CEP112: variants seen among roughly 807,000 people sequenced by gnomAD.
CEP112 encodes the protein centrosomal protein of 112 kDa.
CEP112 carries 127 observed loss-of-function variants against 153.0 expected under a neutral mutation model. That is an observed-to-expected ratio of 0.83 (90% CI 0.72 to 0.96). The LOEUF is 0.96. CEP112 is among the 40% of genes least tolerant of loss of function. The pLI, the probability that CEP112 is intolerant of heterozygous loss-of-function variation, is 0.00. For synonymous variants in CEP112, 358 were observed against 374.4 expected, an observed-to-expected ratio of 0.96 and a Z score of 0.51; for missense variants, 1,089 against 1,101.2, an observed-to-expected ratio of 0.99 and a Z score of 0.16.
intron 24 of CEP112, among the ~76,000 whole-genome samples, chr17:65,671,125 C>A (rs2046960267): frequency 6.6e-6 from 1 of 151,950 alleles, no homozygotes; most frequent in Non-Finnish European, 1.5e-5. Context: ...GTGGGTAAAA[C>A]AAATAGTACG....
intron 17 of CEP112, among the ~76,000 whole-genome samples, chr17:65,977,633 A>C (rs1372760392): frequency 6.6e-6 from 1 of 152,112 alleles, no homozygotes; most frequent in Non-Finnish European, 1.5e-5. Context: ...CAGATTCCCC[A>C]ATGTGGGGTT....
intron 24 of CEP112, among the ~76,000 whole-genome samples, chr17:65,642,891 T>C (rs1330551103): frequency 2.0e-5 from 3 of 152,262 alleles, no homozygotes; most frequent in Non-Finnish European, 4.4e-5. Context: ...AACTCATGCA[T>C]GCGCTATTTC....
chr17:65,743,750 TA>T (rs1301747338), intron 22 of CEP112, among the ~76,000 whole-genome samples: 2 of 152,036 alleles, frequency 1.3e-5, no homozygotes, highest in Admixed American at 6.6e-5. Flanking sequence ...TATTGCCTTT[TA>T]TTTTTTTTTT....
chr17:66,098,691 A>C (rs989933461), intron 6 of CEP112, among the ~76,000 whole-genome samples: 2 of 152,248 alleles, frequency 1.3e-5, no homozygotes, highest in African/African-American at 4.8e-5. Flanking sequence ...GATCCTATAA[A>C]GTAATGGCAA....
At chr17:66,184,684 T>C (rs1267572611) in intron 1 of CEP112, among the ~76,000 whole-genome samples, 3 of 152,196 alleles carry the variant, frequency 2.0e-5, no homozygotes, top group Non-Finnish European at 4.4e-5. Context: ...GAAAACAGTT[T>C]GGCAGTTTCT....
In CEP112 at chr17:66,069,960, T is replaced by C. The variant is rs1184720269; in HGVS notation, c.810A>G (p.Glu270=). Residue 270 remains glutamate (E), a synonymous_variant, in exon 9 of 27, where the codon GAA becomes GAG. Coordinates refer to ENST00000535342, the MANE Select transcript of CEP112 (RefSeq NM_001199165.4). ...KTKMMEAKFH[E]EKLKLQQKHD... ...GTTTCTGTTGCAGTTTAAGCTTTTCTTCATGAAATTTAGCTTCCATCATTT... is the reference window on the plus strand; with the variant it reads ...GTTTCTGTTGCAGTTTAAGCTTTTCCTCATGAAATTTAGCTTCCATCATTT... 1 of 1,607,880 alleles carries C rather than the reference T, an allele frequency of 6.2e-7. No homozygotes were observed. Among genetic ancestry groups the C allele is most frequent in the East Asian group, 2.2e-5 (1 of 44,584 alleles).
intron 21 of CEP112, among the ~76,000 whole-genome samples, chr17:65,772,575 TAC>T (rs34758953): frequency 0.025 from 3,374 of 133,392 alleles, 43 homozygotes; most frequent in African/African-American, 0.036. Context: ...CTCTATTTAT[TAC>T]ACACACACAC....
At chr17:65,712,389 G>A (rs1427016606) in intron 23 of CEP112, among the ~76,000 whole-genome samples, 1 of 151,404 alleles carries the variant, frequency 6.6e-6, no homozygotes, top group Non-Finnish European at 1.5e-5. Flanking sequence ...TCTCTAAGGA[G>A]ACTGAAATAT....
chr17:66,132,998 C>T (rs975396104), intron 4 of CEP112, among the ~76,000 whole-genome samples: 6 of 151,620 alleles, frequency 4.0e-5, no homozygotes, highest in African/African-American at 1.5e-4. Context: ...GAGATTGTGC[C>T]ACTGCACTCC....
chr17:65,821,067 C>T (rs2056506470), intron 21 of CEP112, among the ~76,000 whole-genome samples: 1 of 151,338 alleles, frequency 6.6e-6, no homozygotes, highest in Non-Finnish European at 1.5e-5. Flanking sequence ...TCTGCACACA[C>T]TTAAAATGTA....
chr17:66,015,981 G>A (rs1048887776), intron 16 of CEP112, among the ~76,000 whole-genome samples: 2 of 151,852 alleles, frequency 1.3e-5, no homozygotes, highest in Admixed American at 1.3e-4. Flanking sequence ...CCTTCATATC[G>A]CTGATTTAAT....
intron 9 of CEP112, among the ~76,000 whole-genome samples, chr17:66,068,336 G>A (rs1274519497): frequency 6.6e-6 from 1 of 152,070 alleles, no homozygotes; most frequent in Admixed American, 6.5e-5. Context: ...CTACTCAGGA[G>A]GCTTACAGAT....
Position 65,765,403 on chromosome 17 carries a change from T to G in CEP112, c.2395-14679A>C, listed in dbSNP as rs533161945. ...AACAGTTTTTCTTGGTAGGCTCTGTTAAGTGCAACAAAGTGCTCTGGTGTA... is the reference window on the plus strand; with the variant it reads ...AACAGTTTTTCTTGGTAGGCTCTGTGAAGTGCAACAAAGTGCTCTGGTGTA... On this transcript the variant is annotated intron_variant, in intron 21 of 26. Transcript: ENST00000535342. 5.8e-4 allele frequency among the ~76,000 whole-genome samples: 88 copies of G among 152,266 alleles called. 2 individuals carry two copies. In the South Asian group the frequency reaches 0.018, roughly 31 times the overall value.
intron 12 of CEP112, among the ~76,000 whole-genome samples, chr17:66,031,514 C>T (rs1250828893): frequency 1.5e-5 from 2 of 135,864 alleles, no homozygotes; most frequent in Non-Finnish European, 3.1e-5. Flanking sequence ...GACAGGGTCT[C>T]ATAGCGCAAT....
At chr17:65,863,484 TG>T (rs1215643616) in intron 20 of CEP112, among the ~76,000 whole-genome samples, 4 of 151,888 alleles carry the variant, frequency 2.6e-5, no homozygotes, top group Non-Finnish European at 4.4e-5. Flanking sequence ...ATAAACAAAA[TG>T]GGCCGGGCGC....
At chr17:66,043,002 T>C (rs560973235) in intron 12 of CEP112, 19 of 659,700 alleles carry the variant, frequency 2.9e-5, no homozygotes, top group Non-Finnish European at 3.4e-5. Context: ...CCATGAGTAG[T>C]TCTATGAATT....
chr17:65,829,761 CA>C (rs904905859), intron 21 of CEP112, among the ~76,000 whole-genome samples: 2 of 151,220 alleles, frequency 1.3e-5, no homozygotes, highest in African/African-American at 4.9e-5. Flanking sequence ...GTACAGAAAA[CA>C]AAAAAAGAAA....
rs556491152 is a variant in CEP112, at chr17:66,018,710, G to A, written c.1656+8791C>T. On this transcript the variant is annotated intron_variant, in intron 16 of 26. Transcript: ENST00000535342. ...CATGATTTAAAAAGCGTGCATGATTGCTAGGCATTGGAATAACTATATTTT... is the reference window on the plus strand; with the variant it reads ...CATGATTTAAAAAGCGTGCATGATTACTAGGCATTGGAATAACTATATTTT... 1.2e-3 allele frequency among the ~76,000 whole-genome samples: 189 copies of A among 152,302 alleles called. 3 individuals are homozygous for A. The highest frequency in any genetic ancestry group is 8.7e-3 in the South Asian group (42 of 4,826).
At chr17:66,190,166 G>A (rs1383568279) in intron 1 of CEP112, among the ~76,000 whole-genome samples, 4 of 151,734 alleles carry the variant, frequency 2.6e-5, no homozygotes, top group East Asian at 1.9e-4. Context: ...AAAATTAGCC[G>A]GGCATGGTGG....
Sources: allele counts gnomAD v4.1 joint callset (sites outside exome capture counted in the v4.1 genomes callset), GRCh38; gene constraint gnomAD v4.1.1; transcripts MANE v1.5; gene names NCBI Gene and HGNC (gene_info 2026-07-23, HGNC 2026-07-21).